FARP1: variants seen among roughly 807,000 people sequenced by gnomAD.
FARP1 encodes FERM, ARH/RhoGEF and pleckstrin domain protein 1.
A neutral mutation model predicts 128.8 loss-of-function variants in FARP1; 52 were observed. The ratio of observed to expected loss-of-function variants is 0.40; its 90% CI spans 0.32 to 0.51. The LOEUF (loss-of-function observed/expected upper bound fraction) is 0.51. Ranked by LOEUF, FARP1 falls within the 20% of genes least tolerant of loss-of-function variation. The pLI is 0.45. For synonymous variants in FARP1, 580 were observed against 551.8 expected (o/e 1.05, Z -0.72); for missense variants, 1,333 against 1,367.9 (o/e 0.97, Z 0.40).
At position 98,424,924 on chromosome 13, in the gene FARP1, G is replaced by A. The variant is rs9584844; in HGVS notation, c.1905+274G>A. Among the ~76,000 whole-genome samples the A allele has an allele frequency of 6.5e-3, 978 of 150,280 alleles. 14 individuals carry two copies. Among genetic ancestry groups the A allele is most frequent in the African/African-American group, 0.023 (929 of 40,866 alleles). Reference sequence around the variant, plus strand: ...TTTTTTTCTTTGCTCATCAGCTATCGTTAGTGTTAGTGTATTTCATGTGTG... The same window carrying A: ...TTTTTTTCTTTGCTCATCAGCTATCATTAGTGTTAGTGTATTTCATGTGTG... On this transcript the variant is annotated intron_variant, in intron 17 of 26. Coordinates refer to ENST00000319562, the MANE Select transcript of FARP1 (RefSeq NM_005766.4).
chr13:98,287,265 C>G lies in FARP1; in HGVS notation c.172-56497C>G, dbSNP rs564397181. On this transcript the variant is annotated intron_variant, in intron 2 of 26. Transcript: ENST00000319562. ...TTTTTTTTTGAGATGGAGTCTTGCTCTCTCTCCCAGGCTGGAGTGCAGTGG... is the reference window on the plus strand; with the variant it reads ...TTTTTTTTTGAGATGGAGTCTTGCTGTCTCTCCCAGGCTGGAGTGCAGTGG... Among the ~76,000 whole-genome samples the G allele has an allele frequency of 1.6e-4, 17 of 108,746 alleles. No individual in the cohort carries two copies. In the South Asian group the frequency reaches 5.2e-3, roughly 33 times the overall value. 71.3% of individuals were successfully genotyped at this position (108,746 alleles called of 152,430 possible).
chr13:98,286,848 A>G (rs9513393), intron 2 of FARP1, among the ~76,000 whole-genome samples: 22,413 of 152,194 alleles, frequency 0.15, 4,474 homozygotes, highest in African/African-American at 0.46. Context: ...GAAGAATAAT[A>G]ACAGAATTTT....
chr13:98,349,672 GA>G (rs56376512), intron 3 of FARP1, among the ~76,000 whole-genome samples: 612 of 59,736 alleles, frequency 0.01, no homozygotes, highest in Non-Finnish European at 0.014. Context: ...CCATCTCAGG[GA>G]AAAAAAAAAA....
chr13:98,325,706 A>G (rs552115960), intron 2 of FARP1, among the ~76,000 whole-genome samples: 3 of 152,378 alleles, frequency 2.0e-5, no homozygotes, highest in East Asian at 1.9e-4. Context: ...AGGTTTCCTC[A>G]AGAATATTTG....
chr13:98,315,673 G>C (rs1886689339), intron 2 of FARP1, among the ~76,000 whole-genome samples: 1 of 152,120 alleles, frequency 6.6e-6, no homozygotes, highest in Non-Finnish European at 1.5e-5. Flanking sequence ...ACATCTGCTC[G>C]CTCTTCCTTC....
chr13:98,437,791 C>G (rs755635061), intron 19 of FARP1: 1 of 1,589,774 alleles, frequency 6.3e-7, no homozygotes, highest in African/African-American at 1.3e-5. Context: ...CTTATTAGGA[C>G]TCCACACTTA....
rs190832443 is a variant in FARP1, at chr13:98,373,541, C to G, written c.399-4280C>G. 4.8e-3 allele frequency among the ~76,000 whole-genome samples: 652 copies of G among 136,936 alleles called. 5 individuals are homozygous for G. The highest frequency in any genetic ancestry group is 0.017 in the African/African-American group (515 of 31,032). The allele number at this position is 136,936 out of a possible 152,430, so 89.8% of individuals were successfully genotyped here. ...CCAGAGACAGACAGACAGACACACACACACACACACACACACACACACACA... is the reference window on the plus strand; with the variant it reads ...CCAGAGACAGACAGACAGACACACAGACACACACACACACACACACACACA... On this transcript the variant is annotated intron_variant, in intron 5 of 26. Transcript: ENST00000319562.
At chr13:98,385,902 A>T in intron 8 of FARP1, 88 bp downstream of exon 8, 2 of 1,361,374 alleles carry the variant, frequency 1.5e-6, no homozygotes, top group Non-Finnish European at 2.0e-6. Context: ...TCAGTGGGCT[A>T]AGACCTCTGA....
At chr13:98,365,789 T>C (rs1476931600) in intron 4 of FARP1, among the ~76,000 whole-genome samples, 1 of 152,178 alleles carries the variant, frequency 6.6e-6, no homozygotes, top group Non-Finnish European at 1.5e-5. Flanking sequence ...ATTCATAAAA[T>C]TGTTTTTAGG....
chr13:98,436,674 T>C (rs1170633548), intron 19 of FARP1, among the ~76,000 whole-genome samples: 1 of 152,200 alleles, frequency 6.6e-6, no homozygotes, highest in Non-Finnish European at 1.5e-5. Flanking sequence ...AGAAGCCACG[T>C]TGTGAGAGAT....
rs1891020806 is a variant in FARP1 at position 98,407,352 on chromosome 13, T to A, written c.1415-1986T>A. 2.0e-5 allele frequency: 3 copies of A among 152,290 alleles called. No homozygotes were observed. In the South Asian group the frequency reaches 6.2e-4, roughly 32 times the overall value. 9.4% of individuals were successfully genotyped at this position (152,290 alleles called of 1,614,324 possible). On this transcript the variant is annotated intron_variant, in intron 13 of 26. Coordinates refer to ENST00000319562, the MANE Select transcript of FARP1 (RefSeq NM_005766.4). The stretch of plus-strand genomic sequence containing the variant: ...ACATTTTTCTTTTTGTGATTTTTTT[T>A]TTTTTAAATAATAGTGTAGTACCTT...
chr13:98,266,455 C>G (rs1339919126), intron 2 of FARP1, among the ~76,000 whole-genome samples: 3 of 152,106 alleles, frequency 2.0e-5, no homozygotes, highest in Non-Finnish European at 4.4e-5. Context: ...GGTGAAGTCC[C>G]TGGGCCCAGC....
intron 1 of FARP1, among the ~76,000 whole-genome samples, chr13:98,158,187 A>G (rs1276627750): frequency 6.6e-6 from 1 of 152,174 alleles, no homozygotes; most frequent in African/African-American, 2.4e-5. Context: ...TTGCTTTTGT[A>G]ATTACCAAAC....
chr13:98,298,140 C>CATATTTGT, intron 2 of FARP1, among the ~76,000 whole-genome samples: 1 of 152,324 alleles, frequency 6.6e-6, no homozygotes, highest in South Asian at 2.1e-4. Flanking sequence ...GGTGGCCCTG[C>CATATTTGT]GTGTGCTCTG....
At chr13:98,209,599 C>G (rs2139308390) in intron 1 of FARP1, among the ~76,000 whole-genome samples, 1 of 144,696 alleles carries the variant, frequency 6.9e-6, no homozygotes, top group East Asian at 2.1e-4. Flanking sequence ...GAGTTCAAGA[C>G]CAGCCTAGCC....
intron 26 of FARP1, 188 bp from the exon 27 acceptor site, chr13:98,448,048 A>G: frequency 1.6e-6 from 1 of 610,564 alleles, no homozygotes; most frequent in Non-Finnish European, 3.0e-6. Flanking sequence ...GTGAGTGCCC[A>G]GGCCAGTGGG....
chr13:98,166,203 C>T (rs1877256432), intron 1 of FARP1, among the ~76,000 whole-genome samples: 1 of 152,064 alleles, frequency 6.6e-6, no homozygotes. Flanking sequence ...TAAAATTTTC[C>T]CTGTCAATAG....
At chr13:98,422,924 G>A (rs1316172642) in intron 16 of FARP1, among the ~76,000 whole-genome samples, 1 of 152,102 alleles carries the variant, frequency 6.6e-6, no homozygotes. Context: ...TATGAGAGGA[G>A]TTTATTTAGG....
chr13:98,161,056 G>A (rs565895254), intron 1 of FARP1, among the ~76,000 whole-genome samples: 1 of 152,000 alleles, frequency 6.6e-6, no homozygotes, highest in Admixed American at 6.6e-5. Flanking sequence ...TGGAACAGAA[G>A]TTAGAATTCC....
Sources: gnomAD v4.1 joint callset for allele counts (sites outside exome capture counted in the v4.1 genomes callset) on GRCh38, gnomAD v4.1.1 for gene constraint, MANE v1.5 for transcripts, NCBI Gene and HGNC (gene_info 2026-07-23, HGNC 2026-07-21) for gene names.